Variants in NCKAP5 observed in about 807,000 individuals in gnomAD.
NCKAP5 encodes the protein NCK associated protein 5, also known as nck-associated protein 5.
A neutral mutation model predicts 167.0 loss-of-function variants in NCKAP5; 92 were observed. The observed-to-expected ratio is 0.55, with a 90% confidence interval of 0.47 to 0.66. The LOEUF (loss-of-function observed/expected upper bound fraction) is 0.66, where lower values mean the gene tolerates loss of function less well. Ranked by LOEUF, NCKAP5 falls within the 30% of genes least tolerant of loss-of-function variation. NCKAP5 has a pLI of 0.00. For missense variants in NCKAP5, 2,378 were observed against 2,315.0 expected (o/e 1.03, Z -0.56); for synonymous variants, 891 against 877.4 (o/e 1.02, Z -0.27).
At chr2:132,980,647 A>T (rs2077107009) in intron 7 of NCKAP5, among the ~76,000 whole-genome samples, 1 of 152,132 alleles carries the variant, frequency 6.6e-6, no homozygotes, top group Non-Finnish European at 1.5e-5. Flanking sequence ...TTTCTATTTC[A>T]AAAGGTTAAT....
chr2:133,595,178 G>C, the NCKAP5 span, among the ~76,000 whole-genome samples: 9 of 152,124 alleles, frequency 5.9e-5, no homozygotes, highest in Non-Finnish European at 1.0e-4. Flanking sequence ...AGAACAAAGA[G>C]GCAAGGGACA....
At chr2:132,767,920 C>T (rs897309882) in intron 16 of NCKAP5, among the ~76,000 whole-genome samples, 2 of 152,212 alleles carry the variant, frequency 1.3e-5, no homozygotes, top group Admixed American at 1.3e-4. Flanking sequence ...TCACAGACAA[C>T]TTCTCAGAGC....
chr2:133,381,977 T>C (rs986753381), intron 3 of NCKAP5, among the ~76,000 whole-genome samples: 1 of 152,220 alleles, frequency 6.6e-6, no homozygotes, highest in Non-Finnish European at 1.5e-5. Context: ...CTGAGAGACT[T>C]GTGTTCTTAG....
intron 11 of NCKAP5, among the ~76,000 whole-genome samples, chr2:132,796,966 G>A (rs1364090498): frequency 6.6e-6 from 1 of 152,016 alleles, no homozygotes; most frequent in Non-Finnish European, 1.5e-5. Flanking sequence ...AGTCTGCCTT[G>A]GAAGATATGT....
intron 6 of NCKAP5, among the ~76,000 whole-genome samples, chr2:133,033,784 A>T (rs552029476): frequency 4.6e-5 from 7 of 151,990 alleles, no homozygotes; most frequent in Non-Finnish European, 1.0e-4. Flanking sequence ...AGAACTAGTG[A>T]GCCTGAAGAC....
intron 3 of NCKAP5, among the ~76,000 whole-genome samples, chr2:133,460,534 CTTCTGAGAA>C (rs1692138732): frequency 6.6e-6 from 1 of 152,138 alleles, no homozygotes. Flanking sequence ...TTAATCTACA[CTTCTGAGAA>C]TAGAATAATT....
intron 4 of NCKAP5, among the ~76,000 whole-genome samples, chr2:133,235,300 G>T (rs546778552): frequency 1.3e-5 from 2 of 152,160 alleles, no homozygotes; most frequent in East Asian, 3.9e-4. Context: ...CTGAGGTCAC[G>T]CAAGGGGTGA....
chr2:133,356,806 G>C (rs1684747145), intron 3 of NCKAP5, among the ~76,000 whole-genome samples: 1 of 152,064 alleles, frequency 6.6e-6, no homozygotes, highest in Admixed American at 6.6e-5. Flanking sequence ...TTAGAATTTA[G>C]GGCTAACAAG....
chr2:133,030,729 C>T (rs1026156533), intron 6 of NCKAP5, among the ~76,000 whole-genome samples: 3 of 152,194 alleles, frequency 2.0e-5, no homozygotes, highest in African/African-American at 7.2e-5. Flanking sequence ...GTTCAGGCTG[C>T]TGTAGGGGAA....
At chr2:133,298,409 A>G (rs909378554) in intron 4 of NCKAP5, among the ~76,000 whole-genome samples, 2 of 152,176 alleles carry the variant, frequency 1.3e-5, no homozygotes, top group African/African-American at 4.8e-5. Context: ...TAATAATTCC[A>G]TTTCTGAAGG....
At chr2:133,088,854 T>A (rs1253032947) in intron 6 of NCKAP5, among the ~76,000 whole-genome samples, 2 of 152,166 alleles carry the variant, frequency 1.3e-5, no homozygotes, top group African/African-American at 4.8e-5. Context: ...ATGAATAATT[T>A]TGTATTTAAA....
the NCKAP5 span, among the ~76,000 whole-genome samples, chr2:133,594,063 A>G: frequency 6.4e-4 from 98 of 152,266 alleles, no homozygotes; most frequent in African/African-American, 2.2e-3. Flanking sequence ...AATTAGTAAC[A>G]TTGTTTTTCT....
intron 16 of NCKAP5, among the ~76,000 whole-genome samples, chr2:132,736,662 C>T (rs1331167438): frequency 2.0e-5 from 3 of 152,042 alleles, no homozygotes; most frequent in Admixed American, 6.6e-5. Context: ...TGGCATGCAC[C>T]TGTAGTCCCA....
intron 19 of NCKAP5, among the ~76,000 whole-genome samples, chr2:132,715,525 A>T (rs537448339): frequency 6.6e-6 from 1 of 152,218 alleles, no homozygotes; most frequent in East Asian, 1.9e-4. Flanking sequence ...GAGCAACGTG[A>T]GGATTAACTG....
At chr2:133,001,436 C>T (rs1366531619) in intron 6 of NCKAP5, among the ~76,000 whole-genome samples, 1 of 151,978 alleles carries the variant, frequency 6.6e-6, no homozygotes, top group Non-Finnish European at 1.5e-5. Context: ...CCCAGACTGG[C>T]CTCGAACTCC....
chr2:133,438,947 G>A (rs925640851), intron 3 of NCKAP5, among the ~76,000 whole-genome samples: 8 of 152,212 alleles, frequency 5.3e-5, no homozygotes, highest in African/African-American at 1.7e-4. Context: ...CAACACAGAA[G>A]TGTGGAAATG....
chr2:132,911,050 C>G (rs554137223), intron 8 of NCKAP5: 1 of 194,124 alleles, frequency 5.2e-6, no homozygotes, highest in Admixed American at 4.9e-5. Context: ...ACCACCCATT[C>G]GGTAGAGAGA....
intron 16 of NCKAP5, among the ~76,000 whole-genome samples, chr2:132,760,787 C>A (rs1680938241): frequency 6.6e-6 from 1 of 152,162 alleles, no homozygotes; most frequent in African/African-American, 2.4e-5. Context: ...TGGAAAATGT[C>A]AAATGTACTC....
At position 133,454,134 on chromosome 2, in the gene NCKAP5, T is replaced by C. The variant is rs528030936; in HGVS notation, c.69+63324A>G. On this transcript the variant is annotated intron_variant, in intron 3 of 19. Coordinates refer to ENST00000409261, the MANE Select transcript of NCKAP5 (RefSeq NM_207363.3). Reference sequence around the variant, plus strand: ...TAATAAGAAATGAAGAAATTAAGCTTATAAGCTTTAAAATGTTCTTCTAAG... The same window carrying C: ...TAATAAGAAATGAAGAAATTAAGCTCATAAGCTTTAAAATGTTCTTCTAAG... 2.0e-3 allele frequency among the ~76,000 whole-genome samples: 302 copies of C among 152,168 alleles called. 2 individuals are homozygous for C. The highest frequency in any genetic ancestry group is 2.6e-3 in the Admixed American group (39 of 15,276).
Sources: gnomAD v4.1 joint callset for allele counts (sites outside exome capture counted in the v4.1 genomes callset) on GRCh38, gnomAD v4.1.1 for gene constraint, MANE v1.5 for transcripts, NCBI Gene and HGNC (gene_info 2026-07-23, HGNC 2026-07-21) for gene names.